ANTXRL: variants seen among roughly 807,000 people sequenced by gnomAD.
The protein encoded by ANTXRL is ANTXR like.
A neutral mutation model predicts 75.4 loss-of-function variants in ANTXRL; 63 were observed. The ratio of observed to expected loss-of-function variants is 0.84; its 90% CI spans 0.68 to 1.03. ANTXRL has a LOEUF of 1.03. Ranked by LOEUF, ANTXRL falls within the 50% of genes least tolerant of loss-of-function variation. The probability of loss-of-function intolerance (pLI) is 0.00; values close to 1 mark genes in which losing one functional copy is unlikely to be tolerated. For missense variants in ANTXRL, 797 were observed against 789.4 expected (o/e 1.01, Z -0.12); for synonymous variants, 335 against 291.3 (o/e 1.15, Z -1.53).
At chr10:46,289,822 G>A (rs1266154895) in intron 1 of ANTXRL, among the ~76,000 whole-genome samples, 1 of 152,052 alleles carries the variant, frequency 6.6e-6, no homozygotes, top group East Asian at 1.9e-4. Flanking sequence ...GACCTTTAGT[G>A]TATTTTCTCT....
At chr10:46,296,333 T>A (rs1206031828) in intron 5 of ANTXRL, 81 bp downstream of exon 5, 48 of 1,456,080 alleles carry the variant, frequency 3.3e-5, no homozygotes, top group Non-Finnish European at 4.4e-5. Flanking sequence ...GTGTGCAGAA[T>A]CTGCAAGGCC....
intron 16 of ANTXRL, among the ~76,000 whole-genome samples, chr10:46,320,179 A>G (rs1428665061): frequency 6.6e-6 from 1 of 152,134 alleles, no homozygotes; most frequent in Non-Finnish European, 1.5e-5. Context: ...ACTTTGAAAC[A>G]GACAAAGAGA....
intron 14 of ANTXRL, among the ~76,000 whole-genome samples, chr10:46,310,705 G>A (rs193141716): frequency 1.4e-3 from 208 of 152,166 alleles, no homozygotes; most frequent in Middle Eastern, 6.8e-3. Flanking sequence ...CTTAACATAA[G>A]CCTTGTCACC....
At chr10:46,298,291 C>T (rs1377916519) in intron 9 of ANTXRL, among the ~76,000 whole-genome samples, 2 of 151,314 alleles carry the variant, frequency 1.3e-5, no homozygotes, top group African/African-American at 4.9e-5. Context: ...CTGTGGGAGG[C>T]TTGATGTGTG....
chr10:46,295,799 T>G (rs1427624999), intron 3 of ANTXRL, among the ~76,000 whole-genome samples: 2 of 152,130 alleles, frequency 1.3e-5, no homozygotes, highest in African/African-American at 4.8e-5. Flanking sequence ...CCTGGTGAAG[T>G]TCCCCAGGCC....
chr10:46,316,309 G>A (rs1420288159), intron 16 of ANTXRL, among the ~76,000 whole-genome samples: 6 of 151,998 alleles, frequency 3.9e-5, no homozygotes, highest in Non-Finnish European at 8.8e-5. Context: ...TAGATCTTAA[G>A]GTGGGCCAGA....
At position 46,296,249 on chromosome 10, in the gene ANTXRL, G is replaced by C. The variant is rs782582299; in HGVS notation, c.505G>C (p.Gly169Arg). The C allele has an allele frequency of 7.2e-6, 11 of 1,535,682 alleles. No homozygotes were observed. Among genetic ancestry groups the C allele is most frequent in the Non-Finnish European group, 9.6e-6 (11 of 1,146,712 alleles). The change falls in exon 5 of 17, where the codon GGA (glycine) becomes CGA (arginine). Residue 169 changes from glycine (G) to arginine (R), a missense_variant. By Grantham distance (125) the Gly-to-Arg change is moderately radical. This residue lies in a region of ANTXRL where 262 missense variants were observed against 271.9 expected (regional missense o/e 0.96). Transcript: ENST00000620264. ...AIQQIESFNS[G>R]NKVPSMIIAM... ...TCAACAGATCGAAAGTTTCAACTCC[G>C]GAAGTAAGCACCTGCCGTCCCCCTG...
In ANTXRL at chr10:46,329,846, C is replaced by G; in HGVS notation, c.1658C>G (p.Pro553Arg). 6.5e-7 allele frequency: 1 copy of G among 1,535,142 alleles called. No homozygotes were observed. Among genetic ancestry groups the G allele is most frequent in the Non-Finnish European group, 8.7e-7 (1 of 1,146,302 alleles). Residue 553 changes from proline to arginine, a missense_variant, in exon 17 of 17, where the codon CCA becomes CGA. By Grantham distance (103) the Pro-to-Arg change is moderately radical. Coordinates refer to ENST00000620264, the MANE Select transcript of ANTXRL (RefSeq NM_001278688.3). Reference protein sequence around the residue: ...CLARKQAPCSPRICLRHSPEY... With the variant: ...CLARKQAPCSRRICLRHSPEY... ...GCCCGCAAACAGGCTCCCTGCAGCCCAAGGATCTGCCTGAGACACAGCCCG... is the reference window on the plus strand; with the variant it reads ...GCCCGCAAACAGGCTCCCTGCAGCCGAAGGATCTGCCTGAGACACAGCCCG...
chr10:46,301,384 C>T (rs1554960540), intron 9 of ANTXRL, among the ~76,000 whole-genome samples: 1 of 152,218 alleles, frequency 6.6e-6, no homozygotes, highest in Non-Finnish European at 1.5e-5. Flanking sequence ...TCTCTCACAG[C>T]CTCAGTGCCC....
chr10:46,311,545 A>ACCGCCT lies in ANTXRL; in HGVS notation c.1218_1223dup (p.Pro410_Pro411dup). 1 of 1,533,556 alleles carries ACCGCCT rather than the reference A, an allele frequency of 6.5e-7. No individual in the cohort carries two copies. Among genetic ancestry groups the ACCGCCT allele is most frequent in the Non-Finnish European group, 8.7e-7 (1 of 1,145,296 alleles). The allele number at this position is 1,533,556 out of a possible 1,614,324, so 95.0% of individuals were successfully genotyped here. A position where few individuals can be genotyped will look rare whatever the true frequency, so the allele number is the denominator to read the frequency against. On this transcript the variant is annotated inframe_insertion, in exon 15 of 17. Coordinates refer to ENST00000620264, the MANE Select transcript of ANTXRL (RefSeq NM_001278688.3). Reference sequence around the variant, plus strand: ...AGGAAAAACCACCATCACCACCACCACCGCCTCCGCCTCCACCACCTCCAC... The same window carrying ACCGCCT: ...AGGAAAAACCACCATCACCACCACCACCGCCTCCGCCTCCGCCTCCACCACCTCCAC...
chr10:46,294,134 C>T, intron 3 of ANTXRL: 1 of 548,214 alleles, frequency 1.8e-6, no homozygotes, highest in Non-Finnish European at 3.2e-6. Flanking sequence ...TCAGCCTCCC[C>T]CACTTCACGC....
intron 16 of ANTXRL, among the ~76,000 whole-genome samples, chr10:46,319,462 G>A (rs370765428): frequency 3.3e-5 from 5 of 152,132 alleles, no homozygotes; most frequent in South Asian, 2.1e-4. Flanking sequence ...CTACAAAGAG[G>A]ATGATATCAA....
intron 16 of ANTXRL, among the ~76,000 whole-genome samples, chr10:46,324,521 G>C (rs949101217): frequency 6.6e-6 from 1 of 152,128 alleles, no homozygotes; most frequent in Non-Finnish European, 1.5e-5. Context: ...TGTTAACAAG[G>C]ACTGGTACAT....
intron 16 of ANTXRL, among the ~76,000 whole-genome samples, chr10:46,316,936 G>A (rs1217195609): frequency 6.6e-6 from 1 of 152,102 alleles, no homozygotes; most frequent in African/African-American, 2.4e-5. Flanking sequence ...CTCTATGGGT[G>A]CTGTGTGAGT....
intron 12 of ANTXRL, chr10:46,308,406 T>TCCC: frequency 2.7e-5 from 2 of 73,860 alleles, no homozygotes; most frequent in Non-Finnish European, 5.2e-5. Flanking sequence ...GCCCCTTCCC[T>TCCC]CCCCTCCCCT....
chr10:46,307,368 C>T, intron 11 of ANTXRL, 34 bp from the exon 12 acceptor site: 1 of 1,443,036 alleles, frequency 6.9e-7, no homozygotes, highest in Non-Finnish European at 9.4e-7. Context: ...TCTCTCTGGA[C>T]TGGCTCTCAC....
intron 9 of ANTXRL, among the ~76,000 whole-genome samples, chr10:46,301,431 T>C (rs1837737782): frequency 6.6e-6 from 1 of 152,154 alleles, no homozygotes; most frequent in African/African-American, 2.4e-5. Flanking sequence ...CAGCATAGTA[T>C]CCATCAAGTG....
In ANTXRL at chr10:46,308,507, C is replaced by G. The variant is rs1427647547; in HGVS notation, c.1045-606C>G. ...CATGAGGAAGGCCTGAGCAGCCTGCCTTCCCACGGATGCCGCCCAAGATTC... is the reference window on the plus strand; with the variant it reads ...CATGAGGAAGGCCTGAGCAGCCTGCGTTCCCACGGATGCCGCCCAAGATTC... On this transcript the variant is annotated intron_variant, in intron 12 of 16. Coordinates refer to ENST00000620264, the MANE Select transcript of ANTXRL (RefSeq NM_001278688.3). 6.7e-6 allele frequency: 3 copies of G among 448,968 alleles called. No homozygotes were observed. In the East Asian group the frequency reaches 2.2e-4, roughly 33 times the overall value. 27.8% of individuals were successfully genotyped at this position (448,968 alleles called of 1,614,324 possible).
At chr10:46,291,353 C>G (rs1218556176) in intron 1 of ANTXRL, among the ~76,000 whole-genome samples, 1 of 151,492 alleles carries the variant, frequency 6.6e-6, no homozygotes, top group Non-Finnish European at 1.5e-5. Context: ...ATTCTGAAAT[C>G]AGGAAATGTG....
Sources: gnomAD v4.1 joint callset for allele counts (sites outside exome capture counted in the v4.1 genomes callset) on GRCh38, gnomAD v4.1.1 for gene constraint, gnomAD v4.1.1 regional missense constraint, MANE v1.5 for transcripts, NCBI Gene and HGNC (gene_info 2026-07-23, HGNC 2026-07-21) for gene names.